ARIH2: variants seen among roughly 807,000 people sequenced by gnomAD.
ARIH2 encodes the protein ariadne RBR E3 ubiquitin protein ligase 2, also known as E3 ubiquitin-protein ligase ARIH2.
Under a neutral mutation model 79.8 loss-of-function variants are expected in ARIH2, and 12 were observed. The observed-to-expected ratio is 0.15, with a 90% CI of 0.10 to 0.24. ARIH2 has a LOEUF of 0.24. Among genes scored for constraint, ARIH2 ranks in the 10% least tolerant of loss-of-function variants. ARIH2 has a pLI of 1.00. For missense variants in ARIH2, 301 were observed against 618.3 expected, an observed-to-expected ratio of 0.49 and a Z score of 5.44; for synonymous variants, 224 against 213.9, an observed-to-expected ratio of 1.05 and a Z score of -0.41.
At chr3:48,956,223 C>T (rs1424172089) in intron 3 of ARIH2, among the ~76,000 whole-genome samples, 1 of 151,698 alleles carries the variant, frequency 6.6e-6, no homozygotes, top group East Asian at 1.9e-4. Context: ...ACTGCAACCT[C>T]CATCTCCTGG....
intron 3 of ARIH2, among the ~76,000 whole-genome samples, chr3:48,959,649 C>CAAAAAAAAAAAAAAAAAA (rs71077758): frequency 2.4e-4 from 12 of 50,104 alleles, no homozygotes; most frequent in African/African-American, 4.7e-4. Context: ...TAAAAAATAC[C>CAAAAAAAAAAAAAAAAAA]AAAAAAAAAA....
intron 3 of ARIH2, among the ~76,000 whole-genome samples, chr3:48,959,232 C>T (rs1447768145): frequency 6.7e-6 from 1 of 148,388 alleles, no homozygotes; most frequent in Non-Finnish European, 1.5e-5. Context: ...AGGAGAATGG[C>T]GTGAACCCGG....
intron 5 of ARIH2, among the ~76,000 whole-genome samples, chr3:48,965,999 T>A (rs776542238): frequency 1.9e-4 from 29 of 152,040 alleles, no homozygotes; most frequent in Non-Finnish European, 3.4e-4. Context: ...ACAAAGCCTG[T>A]CTCCTGGATC....
At chr3:48,973,575 CA>C (rs537764456) in intron 8 of ARIH2, 123 bp from the exon 9 acceptor site, 89,637 of 423,498 alleles carry the variant, frequency 0.21, no homozygotes, top group South Asian at 0.25. Flanking sequence ...GACTCTGTCT[CA>C]AAAAAAAAAA....
At chr3:48,919,237 C>T (rs184469819) in intron 1 of ARIH2, 7 of 1,234,124 alleles carry the variant, frequency 5.7e-6, no homozygotes, top group East Asian at 6.3e-5. Context: ...TCAGAGGCCA[C>T]CGCCTCTGAC....
At chr3:48,965,732 G>A (rs944452700) in intron 5 of ARIH2, among the ~76,000 whole-genome samples, 9 of 152,180 alleles carry the variant, frequency 5.9e-5, no homozygotes, top group Non-Finnish European at 1.0e-4. Context: ...GGGCCGAGGC[G>A]GGCGGATCAC....
chr3:48,940,537 C>T (rs189949011), intron 3 of ARIH2, among the ~76,000 whole-genome samples: 3 of 151,942 alleles, frequency 2.0e-5, no homozygotes, highest in African/African-American at 7.2e-5. Context: ...CGGCTGAAGC[C>T]ATGGCAGAGG....
chr3:48,957,279 G>A (rs1041230689), intron 3 of ARIH2, among the ~76,000 whole-genome samples: 1 of 152,168 alleles, frequency 6.6e-6, no homozygotes, highest in Admixed American at 6.5e-5. Context: ...TGTGGCTGTT[G>A]GTGCTGTTGA....
intron 3 of ARIH2, among the ~76,000 whole-genome samples, chr3:48,936,067 T>C (rs371605873): frequency 5.3e-5 from 8 of 152,342 alleles, no homozygotes; most frequent in African/African-American, 1.9e-4. Context: ...TGTTTGTACC[T>C]GTATTTGTGG....
At chr3:48,935,097 T>G in intron 3 of ARIH2, 1 of 332,028 alleles carries the variant, frequency 3.0e-6, no homozygotes, top group South Asian at 1.2e-4. Context: ...TGCTTGCTTA[T>G]CATCCTTCAG....
chr3:48,928,024 G>T, intron 3 of ARIH2: 1 of 587,342 alleles, frequency 1.7e-6, no homozygotes, highest in Non-Finnish European at 2.9e-6. Context: ...AAATTAGTAA[G>T]AATTAGAAAG....
chr3:48,928,757 G>A lies in ARIH2; in HGVS notation c.255+944G>A, dbSNP rs140104614. Among the ~76,000 whole-genome samples, 737 of 151,864 alleles carry A rather than the reference G, an allele frequency of 4.9e-3. 6 individuals carry two copies. Among genetic ancestry groups the A allele is most frequent in the African/African-American group, 0.017 (705 of 41,412 alleles). On this transcript the variant is annotated intron_variant, in intron 3 of 15. Coordinates refer to ENST00000356401, the MANE Select transcript of ARIH2 (RefSeq NM_006321.4). Reference sequence around the variant, plus strand: ...TTTTTTTTTTTTCCCCAGATGGTTGGCAAAGGCTAATACCTTGAATTTAGA... The same window carrying A: ...TTTTTTTTTTTTCCCCAGATGGTTGACAAAGGCTAATACCTTGAATTTAGA...
intron 2 of ARIH2, among the ~76,000 whole-genome samples, chr3:48,924,242 G>C (rs2085249518): frequency 6.6e-6 from 1 of 152,038 alleles, no homozygotes; most frequent in South Asian, 2.1e-4. Context: ...TGATCCTCCA[G>C]CCTCAGCCTC....
In ARIH2 at chr3:48,967,142, C is replaced by G. The variant is rs750417459; in HGVS notation, c.405C>G (p.Pro135=). ...NPSKHVPTSH[P]PHHCAVCMQF... ...CTCTCCAGGTTCCCACATCCCATCC[C>G]CCTCACCACTGTGCAGTGTGTATGC... Residue 135 remains proline, a synonymous_variant, in exon 6 of 16, where the codon CCC becomes CCG. Transcript: ENST00000356401. The G allele has an allele frequency of 4.3e-6, 7 of 1,613,946 alleles. No homozygotes were observed. The highest frequency in any genetic ancestry group is 5.1e-6 in the Non-Finnish European group (6 of 1,179,910).
In ARIH2 at chr3:48,927,476, A is replaced by G. The variant is rs943640004; in HGVS notation, c.-83A>G. On this transcript the variant is annotated 5_prime_UTR_variant, in exon 3 of 16. Transcript: ENST00000356401. ...TCCTCCCTTAGAAGACAAAAATACT[A>G]ATGCATTTGAGAAAGCGGTAGTTTT... 4.0e-6 allele frequency: 6 copies of G among 1,511,370 alleles called. No individual in the cohort carries two copies. Among genetic ancestry groups the G allele is most frequent in the Non-Finnish European group, 5.4e-6 (6 of 1,121,084 alleles). 93.6% of individuals were successfully genotyped at this position (1,511,370 alleles called of 1,614,324 possible).
At chr3:48,946,550 A>G (rs1387487939) in intron 3 of ARIH2, among the ~76,000 whole-genome samples, 1 of 152,002 alleles carries the variant, frequency 6.6e-6, no homozygotes, top group African/African-American at 2.4e-5. Context: ...TTTGACATGC[A>G]TGTAGCACAT....
At chr3:48,948,842 G>T (rs907325774) in intron 3 of ARIH2, among the ~76,000 whole-genome samples, 3 of 152,112 alleles carry the variant, frequency 2.0e-5, no homozygotes, top group Non-Finnish European at 2.9e-5. Flanking sequence ...TTAGCATAAT[G>T]GTTGAGGTTC....
intron 11 of ARIH2, chr3:48,975,237 A>T: frequency 1.7e-6 from 1 of 591,430 alleles, no homozygotes; most frequent in Non-Finnish European, 2.9e-6. Context: ...ATCCTCAGTT[A>T]TCCAAGAAGA....
intron 3 of ARIH2, among the ~76,000 whole-genome samples, chr3:48,941,466 G>T (rs2088205846): frequency 6.6e-6 from 1 of 152,180 alleles, no homozygotes; most frequent in African/African-American, 2.4e-5. Flanking sequence ...CAAATGACTG[G>T]AAAAGATTTC....
Sources: allele counts gnomAD v4.1 joint callset (sites outside exome capture counted in the v4.1 genomes callset), GRCh38; gene constraint gnomAD v4.1.1; transcripts MANE v1.5; gene names NCBI Gene and HGNC (gene_info 2026-07-23, HGNC 2026-07-21).